MUCL1: variants seen among roughly 807,000 people sequenced by gnomAD.
The protein encoded by MUCL1 is mucin like 1.
In MUCL1, 11 loss-of-function variants were observed where a neutral mutation model predicts 9.2. The ratio of observed to expected loss-of-function variants is 1.19; its 90% CI spans 0.75 to 1.97. The LOEUF (loss-of-function observed/expected upper bound fraction) is 1.97. Among genes scored for constraint, MUCL1 ranks in the 30% most tolerant of loss-of-function variants. The pLI, the probability that MUCL1 is intolerant of heterozygous loss-of-function variation, is 0.00. For synonymous variants in MUCL1, 48 were observed against 40.5 expected (o/e 1.19, Z -0.71); for missense variants, 144 against 110.9 (o/e 1.30, Z -1.34).
At chr12:54,834,634 T>C (rs959000206), upstream of MUCL1, among the ~76,000 whole-genome samples, 12 of 151,994 alleles carry the variant, frequency 7.9e-5, no homozygotes, top group African/African-American at 2.9e-4. Context: ...TCCACTCTCT[T>C]AGCAAATTTT....
At chr12:54,844,633 T>C (rs1286264676) in intron 1 of MUCL1, among the ~76,000 whole-genome samples, 1 of 152,250 alleles carries the variant, frequency 6.6e-6, no homozygotes, top group Non-Finnish European at 1.5e-5. Flanking sequence ...CTTACCTTTC[T>C]TTAGGCAAGA....
chr12:54,837,286 G>A (rs746215563), upstream of MUCL1, among the ~76,000 whole-genome samples: 1 of 152,066 alleles, frequency 6.6e-6, no homozygotes, highest in Non-Finnish European at 1.5e-5. Context: ...ATATATTGAG[G>A]ATTGTAATGT....
upstream of MUCL1, among the ~76,000 whole-genome samples, chr12:54,850,354 C>T (rs1959320310): frequency 1.4e-5 from 2 of 147,532 alleles, no homozygotes; most frequent in South Asian, 4.3e-4. Context: ...GTTCCCCTTC[C>T]TGTGTCCACG....
chr12:54,832,291 A>T (rs1446772054), intron 1 of MUCL1, among the ~76,000 whole-genome samples: 1 of 152,112 alleles, frequency 6.6e-6, no homozygotes, highest in Non-Finnish European at 1.5e-5. Context: ...TTTCTGTTAA[A>T]AAGACAAATT....
At chr12:54,832,139 A>G (rs993180787) in intron 1 of MUCL1, among the ~76,000 whole-genome samples, 1 of 152,130 alleles carries the variant, frequency 6.6e-6, no homozygotes, top group African/African-American at 2.4e-5. Flanking sequence ...ACTAAAGGAT[A>G]TAGGAAGTTG....
chr12:54,840,192 G>T (rs896584550), intron 1 of MUCL1, among the ~76,000 whole-genome samples: 1 of 152,156 alleles, frequency 6.6e-6, no homozygotes, highest in Non-Finnish European at 1.5e-5. Flanking sequence ...CCAGAAGCAG[G>T]TACCAGGACC....
At chr12:54,852,388 C>T (rs566530926), upstream of MUCL1, among the ~76,000 whole-genome samples, 117 of 152,218 alleles carry the variant, frequency 7.7e-4, no homozygotes, top group Non-Finnish European at 1.2e-3. Flanking sequence ...AGAAACCTGA[C>T]GAAAACAAGC....
chr12:54,856,272 C>CT (rs34405498), intron 2 of MUCL1, among the ~76,000 whole-genome samples: 53,375 of 151,970 alleles, frequency 0.35, 10,917 homozygotes, highest in East Asian at 0.72. Flanking sequence ...TTACTGCACT[C>CT]TAAGACAGGA....
chr12:54,848,346 A>T (rs1035723880), intron 1 of MUCL1, among the ~76,000 whole-genome samples: 2 of 152,058 alleles, frequency 1.3e-5, no homozygotes, highest in Non-Finnish European at 2.9e-5. Flanking sequence ...CCTTGAGTAA[A>T]TTTGGGGATT....
upstream of MUCL1, among the ~76,000 whole-genome samples, chr12:54,853,167 G>A (rs1186032789): frequency 1.3e-5 from 2 of 152,158 alleles, no homozygotes; most frequent in African/African-American, 2.4e-5. Context: ...TCCTTCCAAT[G>A]AGGGTATGAC....
chr12:54,831,679 G>A (rs1355736179), intron 1 of MUCL1, among the ~76,000 whole-genome samples: 2 of 151,978 alleles, frequency 1.3e-5, no homozygotes, highest in African/African-American at 2.4e-5. Flanking sequence ...CAATTACTGA[G>A]CATAAGTTTA....
intron 1 of MUCL1, among the ~76,000 whole-genome samples, chr12:54,848,738 G>GATAT: frequency 6.6e-6 from 1 of 152,106 alleles, no homozygotes; most frequent in Non-Finnish European, 1.5e-5. Context: ...TGGCATAACA[G>GATAT]TCCAGCAAAA....
At chr12:54,851,894 C>A (rs1432160769), upstream of MUCL1, among the ~76,000 whole-genome samples, 1 of 152,178 alleles carries the variant, frequency 6.6e-6, no homozygotes, top group South Asian at 2.1e-4. Context: ...CATGACTGAA[C>A]TCCCATTCCC....
chr12:54,857,774 A>T (rs938494223), intron 3 of MUCL1, among the ~76,000 whole-genome samples: 2 of 152,182 alleles, frequency 1.3e-5, no homozygotes, highest in Non-Finnish European at 2.9e-5. Flanking sequence ...CCATACAATC[A>T]AAGTCCCTAA....
At chr12:54,855,065 C>T (rs1389992224) in intron 1 of MUCL1, 51 bp from the exon 2 acceptor site, 1 of 1,530,544 alleles carries the variant, frequency 6.5e-7, no homozygotes, top group Non-Finnish European at 9.0e-7. Context: ...TACCTCCATC[C>T]TCCAAACTGG....
intron 1 of MUCL1, among the ~76,000 whole-genome samples, chr12:54,847,759 C>T (rs1186482564): frequency 1.3e-5 from 2 of 152,120 alleles, no homozygotes; most frequent in Non-Finnish European, 2.9e-5. Flanking sequence ...TGGAAGCCAT[C>T]GAAGGTGGCC....
At chr12:54,843,128 A>G (rs1959220460) in intron 1 of MUCL1, among the ~76,000 whole-genome samples, 1 of 152,194 alleles carries the variant, frequency 6.6e-6, no homozygotes, top group African/African-American at 2.4e-5. Context: ...TTGTGCAATG[A>G]TGAAATCACC....
At chr12:54,838,762 C>A (rs1315237557), upstream of MUCL1, among the ~76,000 whole-genome samples, 9 of 151,982 alleles carry the variant, frequency 5.9e-5, no homozygotes, top group Non-Finnish European at 1.2e-4. Context: ...CTTTCATTTC[C>A]AGAAGTTCTG....
intron 1 of MUCL1, among the ~76,000 whole-genome samples, chr12:54,840,354 G>GATGC (rs781601953): frequency 2.0e-5 from 3 of 152,238 alleles, no homozygotes; most frequent in Non-Finnish European, 4.4e-5. Context: ...CAGCCAGAGT[G>GATGC]ATGCAGACAA....
Sources: gnomAD v4.1 joint callset for allele counts (sites outside exome capture counted in the v4.1 genomes callset) on GRCh38, gnomAD v4.1.1 for gene constraint, MANE v1.5 for transcripts, NCBI Gene and HGNC (gene_info 2026-07-23, HGNC 2026-07-21) for gene names.